Variants in CPEB1 observed in about 807,000 individuals in gnomAD.
CPEB1 encodes cytoplasmic polyadenylation element binding protein 1, also known as cytoplasmic polyadenylation element-binding protein 1.
A neutral mutation model predicts 65.8 loss-of-function variants in CPEB1; 7 were observed. The ratio of observed to expected loss-of-function variants is 0.11; its 90% CI spans 0.06 to 0.20. CPEB1 has a LOEUF of 0.20. Ranked by LOEUF, CPEB1 falls within the 10% of genes least tolerant of loss-of-function variation. The probability of loss-of-function intolerance (pLI) is 1.00; values close to 1 mark genes in which losing one functional copy is unlikely to be tolerated. For missense variants in CPEB1, 551 were observed against 712.2 expected (o/e 0.77, Z 2.58); for synonymous variants, 262 against 260.0 (o/e 1.01, Z -0.08).
At chr15:82,607,217 C>A (rs975135695) in intron 3 of CPEB1, among the ~76,000 whole-genome samples, 3 of 152,054 alleles carry the variant, frequency 2.0e-5, no homozygotes, top group African/African-American at 7.3e-5. Flanking sequence ...GAATAAATGA[C>A]AGACTGACAG....
chr15:82,573,719 CAGG>C (rs1410841481), intron 3 of CPEB1, among the ~76,000 whole-genome samples: 2 of 152,112 alleles, frequency 1.3e-5, no homozygotes, highest in East Asian at 3.9e-4. Flanking sequence ...TGAGCATCAC[CAGG>C]AGCTTGTTAT....
At chr15:82,587,546 A>G (rs528298917) in intron 3 of CPEB1, among the ~76,000 whole-genome samples, 2 of 152,348 alleles carry the variant, frequency 1.3e-5, no homozygotes, top group Non-Finnish European at 2.9e-5. Context: ...GCATGAAGAT[A>G]TTCAGAAATA....
chr15:82,590,978 T>C (rs2042207750), intron 3 of CPEB1, among the ~76,000 whole-genome samples: 1 of 152,222 alleles, frequency 6.6e-6, no homozygotes. Context: ...AATGAACATA[T>C]GTGTGCATGT....
chr15:82,571,062 C>T (rs2039954028), intron 4 of CPEB1, among the ~76,000 whole-genome samples: 1 of 152,162 alleles, frequency 6.6e-6, no homozygotes. Flanking sequence ...CACAAGGCCA[C>T]CACGCCTTGG....
chr15:82,604,949 T>G (rs946541950), intron 3 of CPEB1, among the ~76,000 whole-genome samples: 2 of 152,082 alleles, frequency 1.3e-5, no homozygotes, highest in Admixed American at 6.6e-5. Context: ...CCAAGACACA[T>G]TAAATGGTCA....
chr15:82,636,729 G>A (rs1368591098), intron 1 of CPEB1, among the ~76,000 whole-genome samples: 4 of 152,096 alleles, frequency 2.6e-5, no homozygotes, highest in African/African-American at 4.8e-5. Flanking sequence ...CCCCAGAATA[G>A]TATCTGCTGC....
intron 4 of CPEB1, among the ~76,000 whole-genome samples, chr15:82,566,988 A>G (rs1045570877): frequency 6.6e-6 from 1 of 152,270 alleles, no homozygotes; most frequent in East Asian, 1.9e-4. Context: ...TCTGCAGTTA[A>G]AAAACAACCA....
intron 10 of CPEB1, among the ~76,000 whole-genome samples, chr15:82,547,630 G>C: frequency 6.6e-6 from 1 of 151,712 alleles, no homozygotes; most frequent in East Asian, 2.0e-4. Context: ...AACCCTTTAC[G>C]ATACTAGTGC....
At chr15:82,632,049 T>C (rs2046297107) in intron 1 of CPEB1, among the ~76,000 whole-genome samples, 1 of 149,528 alleles carries the variant, frequency 6.7e-6, no homozygotes, top group Non-Finnish European at 1.5e-5. Flanking sequence ...TGGTGTGATC[T>C]CGGCTCACTG....
intron 2 of CPEB1, 58 bp downstream of exon 2, chr15:82,628,306 G>A (rs911524354): frequency 1.4e-6 from 1 of 702,276 alleles, no homozygotes; most frequent in African/African-American, 1.7e-5. Context: ...GACAAAAAAA[G>A]GTTGGGAGTG....
chr15:82,604,807 T>G (rs2043417345), intron 3 of CPEB1, among the ~76,000 whole-genome samples: 1 of 151,650 alleles, frequency 6.6e-6, no homozygotes, highest in South Asian at 2.1e-4. Context: ...ATATTAGAAG[T>G]CCCAAAGCAG....
rs1007787416 is a variant in CPEB1, at chr15:82,600,582, G to A, written c.271+26611C>T. ...AGCAGCAACAGCACAAAAGAAGTGG[G>A]GACAGGATAACAAGTTCTGTAAGGT... On this transcript the variant is annotated intron_variant, in intron 3 of 12. Coordinates refer to ENST00000684509, the MANE Select transcript of CPEB1 (RefSeq NM_001365242.1). Among the ~76,000 whole-genome samples, 5 of 152,114 alleles carry A rather than the reference G, an allele frequency of 3.3e-5. No individual in the cohort carries two copies. The East Asian group carries it at 9.6e-4, about 29-fold the overall frequency.
At chr15:82,612,542 A>G (rs2044272018) in intron 3 of CPEB1, among the ~76,000 whole-genome samples, 1 of 150,996 alleles carries the variant, frequency 6.6e-6, no homozygotes, top group Admixed American at 6.6e-5. Flanking sequence ...GAATAATTGT[A>G]TTTTAAAAAC....
intron 3 of CPEB1, among the ~76,000 whole-genome samples, chr15:82,589,846 G>C (rs533430136): frequency 2.6e-5 from 4 of 152,132 alleles, no homozygotes; most frequent in African/African-American, 9.7e-5. Flanking sequence ...GTACAGATTT[G>C]TCAGTATTCC....
intron 7 of CPEB1, 23 bp downstream of exon 7, chr15:82,553,855 A>G (rs2036721712): frequency 6.7e-7 from 1 of 1,491,478 alleles, no homozygotes; most frequent in African/African-American, 1.4e-5. Flanking sequence ...CAACTCTTAA[A>G]GCAGGTCTTA....
chr15:82,630,966 T>C (rs1473197362), intron 1 of CPEB1, among the ~76,000 whole-genome samples: 1 of 152,152 alleles, frequency 6.6e-6, no homozygotes, highest in Non-Finnish European at 1.5e-5. Flanking sequence ...ATGGACTACA[T>C]GGATTCCAGA....
intron 2 of CPEB1, 56 bp from the exon 3 acceptor site, chr15:82,627,423 T>C: frequency 7.5e-7 from 1 of 1,329,216 alleles, no homozygotes. Flanking sequence ...ATGACCCCCT[T>C]TCTCTCCACA....
At chr15:82,589,254 T>C (rs916101605) in intron 3 of CPEB1, among the ~76,000 whole-genome samples, 1 of 152,266 alleles carries the variant, frequency 6.6e-6, no homozygotes, top group African/African-American at 2.4e-5. Context: ...TTGTTCTGCT[T>C]AATACTCCTG....
At chr15:82,604,758 A>G (rs1455385384) in intron 3 of CPEB1, among the ~76,000 whole-genome samples, 1 of 152,236 alleles carries the variant, frequency 6.6e-6, no homozygotes, top group Non-Finnish European at 1.5e-5. Context: ...ACAGAGCCAC[A>G]GAGACATCTG....
Sources: gnomAD v4.1 joint callset for allele counts (sites outside exome capture counted in the v4.1 genomes callset) on GRCh38, gnomAD v4.1.1 for gene constraint, MANE v1.5 for transcripts, NCBI Gene and HGNC (gene_info 2026-07-23, HGNC 2026-07-21) for gene names.